DGKB: variants seen among roughly 807,000 people sequenced by gnomAD.
DGKB encodes diacylglycerol kinase beta.
In DGKB, 67 loss-of-function variants were observed where a neutral mutation model predicts 114.3. That is an observed-to-expected ratio of 0.59 (90% confidence interval 0.48 to 0.72). DGKB has a LOEUF of 0.72. DGKB is among the 30% of genes least tolerant of loss of function. The pLI is 0.00. For synonymous variants in DGKB, 398 were observed against 323.1 expected (o/e 1.23, Z -2.49); for missense variants, 907 against 975.2 (o/e 0.93, Z 0.93).
chr7:14,840,944 T>C (rs571180660), intron 2 of DGKB, among the ~76,000 whole-genome samples: 2 of 152,140 alleles, frequency 1.3e-5, no homozygotes, highest in Non-Finnish European at 2.9e-5. Context: ...AGCTAGAGTG[T>C]TTTCCAAGCC....
At chr7:14,177,033 G>GGA (rs1781849543) in intron 24 of DGKB, 134 bp from the exon 25 acceptor site, 1 of 948,310 alleles carries the variant, frequency 1.1e-6, no homozygotes, top group Non-Finnish European at 1.6e-6. Context: ...TCCAATGAAA[G>GGA]GAGCTTCAAC....
intron 5 of DGKB, among the ~76,000 whole-genome samples, chr7:14,730,026 G>T (rs761655787): frequency 6.6e-6 from 1 of 152,080 alleles, no homozygotes; most frequent in Non-Finnish European, 1.5e-5. Flanking sequence ...AAACTGTTAC[G>T]CTGACCTGCA....
chr7:14,456,782 AT>A (rs1334203677), intron 21 of DGKB, among the ~76,000 whole-genome samples: 1 of 152,158 alleles, frequency 6.6e-6, no homozygotes, highest in Non-Finnish European at 1.5e-5. Flanking sequence ...CATAATTGAC[AT>A]GATTTTTTTC....
intron 20 of DGKB, among the ~76,000 whole-genome samples, chr7:14,540,834 C>T (rs1793304779): frequency 6.6e-6 from 1 of 152,104 alleles, no homozygotes; most frequent in Non-Finnish European, 1.5e-5. Flanking sequence ...GGAAATGTAG[C>T]CTGTTAGCTG....
intron 21 of DGKB, among the ~76,000 whole-genome samples, chr7:14,423,623 C>T (rs1335899018): frequency 6.6e-6 from 1 of 151,992 alleles, no homozygotes; most frequent in East Asian, 1.9e-4. Context: ...CAACTTTTAA[C>T]TCATGCAAAA....
chr7:14,666,762 A>G (rs2128935509), intron 13 of DGKB, among the ~76,000 whole-genome samples: 1 of 152,074 alleles, frequency 6.6e-6, no homozygotes, highest in African/African-American at 2.4e-5. Context: ...TATAATTGTT[A>G]CCAGAACATT....
chr7:14,547,675 AC>A (rs1489342158), intron 20 of DGKB, among the ~76,000 whole-genome samples: 6 of 151,502 alleles, frequency 4.0e-5, no homozygotes, highest in Non-Finnish European at 7.4e-5. Context: ...AGAGTGTAGA[AC>A]TTTTTTTTAA....
At chr7:14,776,968 G>A (rs1838296233) in intron 2 of DGKB, among the ~76,000 whole-genome samples, 1 of 152,184 alleles carries the variant, frequency 6.6e-6, no homozygotes, top group South Asian at 2.1e-4. Flanking sequence ...CTACAGGGGT[G>A]GAGATTCCCA....
At chr7:14,930,322 C>G (rs1280734501) in intron 1 of DGKB, among the ~76,000 whole-genome samples, 2 of 152,126 alleles carry the variant, frequency 1.3e-5, no homozygotes, top group Non-Finnish European at 2.9e-5. Context: ...ATTTGAATGA[C>G]AGTATTTCTT....
intron 13 of DGKB, among the ~76,000 whole-genome samples, chr7:14,655,342 C>A (rs1171168196): frequency 1.3e-5 from 2 of 151,592 alleles, no homozygotes; most frequent in Admixed American, 1.3e-4. Flanking sequence ...TAAGATATCA[C>A]CTCACCCCAG....
chr7:14,905,053 C>T (rs1783617537), upstream of DGKB, among the ~76,000 whole-genome samples: 2 of 151,830 alleles, frequency 1.3e-5, no homozygotes, highest in African/African-American at 4.8e-5. Flanking sequence ...TTTGTTTTAC[C>T]TTTACTCCCA....
intron 2 of DGKB, among the ~76,000 whole-genome samples, chr7:14,796,924 C>T (rs1433845137): frequency 6.6e-6 from 1 of 151,844 alleles, no homozygotes; most frequent in African/African-American, 2.4e-5. Flanking sequence ...GTTTCCAAAC[C>T]TTAAAAAAAT....
At chr7:14,498,533 T>C (rs1785638334) in intron 20 of DGKB, among the ~76,000 whole-genome samples, 1 of 151,772 alleles carries the variant, frequency 6.6e-6, no homozygotes, top group South Asian at 2.1e-4. Context: ...TAAAGTGTTC[T>C]GAATTAAAAT....
intron 4 of DGKB, among the ~76,000 whole-genome samples, chr7:14,745,572 A>G (rs1253166435): frequency 6.6e-6 from 1 of 152,216 alleles, no homozygotes; most frequent in Non-Finnish European, 1.5e-5. Context: ...CAGTAGGGAA[A>G]TAAATCAATG....
chr7:14,895,623 T>TTTCCATCCATTCCTCTTC (rs747360104), intron 1 of DGKB, among the ~76,000 whole-genome samples: 368 of 151,780 alleles, frequency 2.4e-3, no homozygotes, highest in Middle Eastern at 6.8e-3. Context: ...TGTAGGAACT[T>TTTCCATCCATTCCTCTTC]TTCCATCCAT....
At chr7:14,549,361 T>C (rs982634559) in intron 20 of DGKB, among the ~76,000 whole-genome samples, 2 of 152,096 alleles carry the variant, frequency 1.3e-5, no homozygotes, top group African/African-American at 2.4e-5. Flanking sequence ...AGTGGTAACA[T>C]AAAAGAAGTT....
chr7:14,640,206 T>C (rs1167815932), intron 13 of DGKB, among the ~76,000 whole-genome samples: 1 of 152,168 alleles, frequency 6.6e-6, no homozygotes, highest in Non-Finnish European at 1.5e-5. Context: ...GTTTTTCCTA[T>C]TGTAAATTAG....
chr7:14,722,312 C>G (rs1269882616), intron 5 of DGKB, among the ~76,000 whole-genome samples: 1 of 152,108 alleles, frequency 6.6e-6, no homozygotes, highest in African/African-American at 2.4e-5. Flanking sequence ...CCGGATTTTG[C>G]CTTTCCCATA....
At chr7:14,324,933 G>C (rs1361481164) in intron 23 of DGKB, among the ~76,000 whole-genome samples, 1 of 152,116 alleles carries the variant, frequency 6.6e-6, no homozygotes, top group Non-Finnish European at 1.5e-5. Context: ...TTCTCGTATT[G>C]AGTCTACGTT....
Sources: gnomAD v4.1 joint callset for allele counts (sites outside exome capture counted in the v4.1 genomes callset) on GRCh38, gnomAD v4.1.1 for gene constraint, MANE v1.5 for transcripts, NCBI Gene and HGNC (gene_info 2026-07-23, HGNC 2026-07-21) for gene names.